ULK2: variants seen among roughly 807,000 people sequenced by gnomAD.
ULK2 encodes the protein serine/threonine-protein kinase ULK2.
In ULK2, 76 loss-of-function variants were observed where a neutral mutation model predicts 127.5. That is an observed-to-expected ratio of 0.60 (90% CI 0.50 to 0.72). The LOEUF (loss-of-function observed/expected upper bound fraction) is 0.72. Among genes scored for constraint, ULK2 ranks in the 30% least tolerant of loss-of-function variants. ULK2 has a pLI of 0.00. For missense variants in ULK2, 1,144 were observed against 1,295.9 expected, an observed-to-expected ratio of 0.88 and a Z score of 1.80; for synonymous variants, 452 against 461.9, an observed-to-expected ratio of 0.98 and a Z score of 0.28.
intron 6 of ULK2, among the ~76,000 whole-genome samples, chr17:19,846,232 ATGTGGGCC>A (rs1336960060): frequency 6.6e-6 from 1 of 152,164 alleles, no homozygotes; most frequent in African/African-American, 2.4e-5. Context: ...AGAGCTCCTG[ATGTGGGCC>A]TGTCAGCACT....
At chr17:19,865,985 T>C (rs913307054) in intron 1 of ULK2, among the ~76,000 whole-genome samples, 157 bp from the exon 2 acceptor site, 1 of 152,158 alleles carries the variant, frequency 6.6e-6, no homozygotes, top group Non-Finnish European at 1.5e-5. Flanking sequence ...TAAATTATAG[T>C]GCAATATGCC....
intron 3 of ULK2, among the ~76,000 whole-genome samples, chr17:19,860,243 T>C (rs891760042): frequency 6.6e-6 from 1 of 152,252 alleles, no homozygotes; most frequent in Non-Finnish European, 1.5e-5. Context: ...TGGGTATATA[T>C]TACTTTTGGA....
At chr17:19,793,241 T>C (rs2087195724) in intron 20 of ULK2, among the ~76,000 whole-genome samples, 2 of 152,108 alleles carry the variant, frequency 1.3e-5, no homozygotes, top group South Asian at 4.1e-4. Context: ...GAGAACATCA[T>C]GGGGGAAACT....
chr17:19,776,148 G>A lies in ULK2; in HGVS notation c.*201C>T. ...GCTTCTACAAAGAAAAAGGGAAAGG[G>A]TGATTTTCTCCAATAAGGCAGATTT... On this transcript the variant is annotated 3_prime_UTR_variant, in exon 27 of 27. Coordinates refer to ENST00000395544, the MANE Select transcript of ULK2 (RefSeq NM_014683.4). 2.0e-6 allele frequency: 1 copy of A among 511,872 alleles called. No homozygotes were observed. Among genetic ancestry groups the A allele is most frequent in the Admixed American group, 4.0e-5 (1 of 24,726 alleles). The allele number at this position is 511,872 out of a possible 1,614,324, so 31.7% of individuals were successfully genotyped here.
rs761114171 is a variant in ULK2 at position 19,816,881 on chromosome 17, A to G, written c.964T>C (p.Ser322Pro). The G allele has an allele frequency of 5.0e-6, 8 of 1,609,774 alleles. No homozygotes were observed. The South Asian group carries it at 6.7e-5, about 13-fold the overall frequency. The change falls in exon 13 of 27, where the codon TCT becomes CCT. Residue 322 changes from serine to proline, a missense_variant. By Grantham distance (74) the Ser-to-Pro change is moderately conservative (BLOSUM62 -1). This residue lies in a region of ULK2 where 913 missense variants were observed against 970.5 expected (regional missense o/e 0.94). Transcript: ENST00000395544. The part of the protein sequence containing the change: ...DMQHIQEENL[S>P]SPPLGPPNYL... Reference sequence around the variant, plus strand: ...TTGGGAGGACCCAATGGTGGGGAAGATAAGTTTTCTTCCTGAATATGCTGC... The same window carrying G: ...TTGGGAGGACCCAATGGTGGGGAAGGTAAGTTTTCTTCCTGAATATGCTGC...
intron 7 of ULK2, 90 bp downstream of exon 7, chr17:19,845,214 C>A: frequency 8.8e-7 from 1 of 1,140,818 alleles, no homozygotes; most frequent in South Asian, 1.4e-5. Flanking sequence ...TATGTAAAAT[C>A]ACATCTTATT....
At chr17:19,842,190 C>CTGTTT (rs1475962455) in intron 8 of ULK2, among the ~76,000 whole-genome samples, 8 of 88,378 alleles carry the variant, frequency 9.1e-5, no homozygotes, top group African/African-American at 3.0e-4. Flanking sequence ...TTTTCTTTTT[C>CTGTTT]TTTTTTTTTT....
At chr17:19,863,276 T>C (rs2042281593) in intron 3 of ULK2, among the ~76,000 whole-genome samples, 1 of 151,976 alleles carries the variant, frequency 6.6e-6, no homozygotes, top group Non-Finnish European at 1.5e-5. Flanking sequence ...CAGAAGAGGT[T>C]TTAGCTAGAA....
chr17:19,780,652 AC>A, intron 24 of ULK2, 23 bp from the exon 25 acceptor site: 1 of 1,584,646 alleles, frequency 6.3e-7, no homozygotes, highest in Non-Finnish European at 8.6e-7. Context: ...TGAGATGGGA[AC>A]TAATTTTAAT....
chr17:19,829,236 A>T (rs1436436005), intron 10 of ULK2, among the ~76,000 whole-genome samples: 1 of 152,200 alleles, frequency 6.6e-6, no homozygotes, highest in African/African-American at 2.4e-5. Flanking sequence ...TATAAAAGAC[A>T]AAAAGTACGT....
At chr17:19,790,013 C>T (rs1353099577) in intron 20 of ULK2, among the ~76,000 whole-genome samples, 1 of 150,936 alleles carries the variant, frequency 6.6e-6, no homozygotes, top group African/African-American at 2.4e-5. Context: ...AAGACATAGA[C>T]AGTACAATAA....
intron 12 of ULK2, among the ~76,000 whole-genome samples, chr17:19,818,541 T>C (rs562774973): frequency 6.6e-6 from 1 of 152,258 alleles, no homozygotes; most frequent in South Asian, 2.1e-4. Flanking sequence ...ACAATCACCC[T>C]GGTCATTCTT....
At chr17:19,799,408 C>A in intron 17 of ULK2, 87 bp downstream of exon 17, 1 of 1,153,878 alleles carries the variant, frequency 8.7e-7, no homozygotes, top group South Asian at 2.0e-5. Flanking sequence ...CATATCAATT[C>A]TGTTCTTTGA....
At chr17:19,776,464 CTCTAT>C (rs2086813835) in intron 26 of ULK2, 57 bp from the exon 27 acceptor site, 1 of 1,427,930 alleles carries the variant, frequency 7.0e-7, no homozygotes, top group Non-Finnish European at 9.6e-7. Flanking sequence ...ATATTGTCAT[CTCTAT>C]TCTATCTTTG....
rs1395577298 is a variant in ULK2 at position 19,864,841 on chromosome 17, G to A, written c.187C>T (p.Leu63Phe). 1 of 1,316,418 alleles carries A rather than the reference G, an allele frequency of 7.6e-7. No individual in the cohort carries two copies. Among genetic ancestry groups the A allele is most frequent in the Non-Finnish European group, 1.0e-6 (1 of 995,904 alleles). The allele number at this position is 1,316,418 out of a possible 1,614,324, so 81.5% of individuals were successfully genotyped here. The change falls in exon 3 of 27, where the codon CTT becomes TTT. Residue 63 changes from leucine (L) to phenylalanine (F), a missense_variant. Physicochemically the swap from Leu to Phe is conservative, Grantham distance 22 (BLOSUM62 0). Around this residue, in one of 2 missense-constraint regions of ULK2, gnomAD observed 231 missense variants for 325.4 expected, o/e 0.71. Transcript: ENST00000395544. ...LGKEIKILKE[L>F]QHENIVALYD... is the part of the protein sequence containing the mutation. ...AGTGCTACAATATTTTCATGCTGAA[G>A]TTCCTATTAAGAAAATTGAGAATGA... is the stretch of plus-strand genomic sequence containing the variant.
At chr17:19,849,229 A>C (rs1243270886) in intron 5 of ULK2, 140 bp downstream of exon 5, 4 of 756,118 alleles carry the variant, frequency 5.3e-6, no homozygotes, top group Non-Finnish European at 8.5e-6. Flanking sequence ...AAGTGACCAC[A>C]AGTCAAACAA....
At chr17:19,826,335 G>A (rs190590133) in intron 10 of ULK2, 149 bp from the exon 11 acceptor site, 31 of 361,102 alleles carry the variant, frequency 8.6e-5, no homozygotes, top group African/African-American at 3.4e-4. Flanking sequence ...ATGTAAAAGC[G>A]TATTTTTTAT....
chr17:19,855,077 G>A (rs1392549713), intron 3 of ULK2, among the ~76,000 whole-genome samples: 1 of 145,106 alleles, frequency 6.9e-6, no homozygotes, highest in Admixed American at 7.2e-5. Flanking sequence ...TCCAGACTTG[G>A]CAAAAGAACA....
intron 13 of ULK2, chr17:19,811,102 T>C (rs943584165): frequency 6.6e-6 from 1 of 151,672 alleles, no homozygotes; most frequent in African/African-American, 2.4e-5. Flanking sequence ...AAAAAAAACA[T>C]AATAATGTCA....
Sources: gnomAD v4.1 joint callset for allele counts (sites outside exome capture counted in the v4.1 genomes callset) on GRCh38, gnomAD v4.1.1 for gene constraint, gnomAD v4.1.1 regional missense constraint, MANE v1.5 for transcripts, NCBI Gene and HGNC (gene_info 2026-07-23, HGNC 2026-07-21) for gene names.